Variants in NALF1 observed in about 807,000 individuals in gnomAD.
NALF1 encodes NALCN channel auxiliary factor 1, also known as family with sequence similarity 155 member A.
NALF1 carries 3 observed loss-of-function variants against 48.4 expected under a neutral mutation model. That is an observed-to-expected ratio of 0.06 (90% CI 0.03 to 0.16). The LOEUF is 0.16. Among genes scored for constraint, NALF1 ranks in the 10% least tolerant of loss-of-function variants. NALF1 has a pLI of 1.00. For synonymous variants in NALF1, 262 were observed against 245.7 expected (o/e 1.07, Z -0.62); for missense variants, 526 against 571.5 (o/e 0.92, Z 0.81).
chr13:107,325,117 CAT>C (rs1882326947), intron 1 of NALF1, among the ~76,000 whole-genome samples: 1 of 152,174 alleles, frequency 6.6e-6, no homozygotes, highest in South Asian at 2.1e-4. Flanking sequence ...ACTCAGTTAA[CAT>C]ATGATTTATT....
intron 1 of NALF1, among the ~76,000 whole-genome samples, chr13:107,565,084 ACCTAGCATAAGTAAAAG>A (rs1877762100): frequency 6.9e-6 from 1 of 145,756 alleles, no homozygotes; most frequent in Non-Finnish European, 1.5e-5. Flanking sequence ...AAAAAAAAAA[ACCTAGCATAAGTAAAAG>A]ACAAAAAAAA....
At chr13:107,305,001 T>C (rs957411890) in intron 1 of NALF1, among the ~76,000 whole-genome samples, 3 of 152,226 alleles carry the variant, frequency 2.0e-5, no homozygotes, top group Non-Finnish European at 4.4e-5. Flanking sequence ...TGCATGGTGA[T>C]AATAAGCTAT....
intron 1 of NALF1, among the ~76,000 whole-genome samples, chr13:107,347,191 C>T (rs1882788600): frequency 6.6e-6 from 1 of 152,212 alleles, no homozygotes; most frequent in Non-Finnish European, 1.5e-5. Context: ...TTTTGCCAGA[C>T]TCTTTTCCAA....
chr13:107,796,137 T>C lies in NALF1; in HGVS notation c.915+69545A>G, dbSNP rs371588949. ...GGTAATCTTTGTGTGTGGTGATGTATAGATTAATAATCCCCCTTAAATATA... is the reference window on the plus strand; with the variant it reads ...GGTAATCTTTGTGTGTGGTGATGTACAGATTAATAATCCCCCTTAAATATA... On this transcript the variant is annotated intron_variant, in intron 1 of 2. Coordinates refer to ENST00000375915, the MANE Select transcript of NALF1 (RefSeq NM_001080396.3). Among the ~76,000 whole-genome samples the C allele has an allele frequency of 5.9e-4, 90 of 152,308 alleles. 1 individual carries two copies. The Middle Eastern group carries it at 0.014, about 23-fold the overall frequency.
chr13:107,213,230 C>CAAAAAAAAAAAAAAAAAAAAAAAA (rs386380636), intron 1 of NALF1, among the ~76,000 whole-genome samples: 28 of 103,354 alleles, frequency 2.7e-4, no homozygotes, highest in East Asian at 6.1e-4. Context: ...TTTTTTAACT[C>CAAAAAAAAAAAAAAAAAAAAAAAA]AAAAAAAAAA....
chr13:107,202,029 T>C (rs1386649183), intron 2 of NALF1, among the ~76,000 whole-genome samples: 1 of 152,220 alleles, frequency 6.6e-6, no homozygotes, highest in African/African-American at 2.4e-5. Flanking sequence ...TAGTGTCAGA[T>C]GATAACATAA....
At chr13:107,458,181 T>G (rs1003240222) in intron 1 of NALF1, among the ~76,000 whole-genome samples, 1 of 152,184 alleles carries the variant, frequency 6.6e-6, no homozygotes, top group African/African-American at 2.4e-5. Context: ...GTATATTCTA[T>G]GTCAGAAAAA....
rs1878592522 is a variant in NALF1 at position 107,591,156 on chromosome 13, G to C, written c.915+274526C>G. 1.3e-5 allele frequency among the ~76,000 whole-genome samples: 2 copies of C among 151,928 alleles called. 1 individual carries two copies. The highest frequency in any genetic ancestry group is 2.9e-5 in the Non-Finnish European group (2 of 67,946). ...GAATTCCCATTAAGATAACTCAATAGTTTCGTGATGCCAAGTAATAAAAAG... is the reference window on the plus strand; with the variant it reads ...GAATTCCCATTAAGATAACTCAATACTTTCGTGATGCCAAGTAATAAAAAG... On this transcript the variant is annotated intron_variant, in intron 1 of 2. Transcript: ENST00000375915.
chr13:107,395,411 G>A (rs1883695558), intron 1 of NALF1, among the ~76,000 whole-genome samples: 1 of 152,102 alleles, frequency 6.6e-6, no homozygotes, highest in Non-Finnish European at 1.5e-5. Flanking sequence ...AAGACAAATG[G>A]CAAGCCTCCT....
chr13:107,650,852 T>C (rs1447410975), intron 1 of NALF1, among the ~76,000 whole-genome samples: 2 of 151,936 alleles, frequency 1.3e-5, no homozygotes, highest in East Asian at 3.9e-4. Context: ...ATGCCTCACT[T>C]GTAAGTGGGG....
chr13:107,269,534 G>C (rs1881112027), intron 1 of NALF1, among the ~76,000 whole-genome samples: 1 of 152,150 alleles, frequency 6.6e-6, no homozygotes. Context: ...GAACTTATTT[G>C]TATTTCTGTA....
intron 2 of NALF1, among the ~76,000 whole-genome samples, chr13:107,198,203 A>G (rs1306955566): frequency 1.3e-5 from 2 of 152,140 alleles, no homozygotes; most frequent in Non-Finnish European, 1.5e-5. Context: ...GATTTTTCAG[A>G]GGAAAAATTC....
chr13:107,622,284 G>T (rs933177976), intron 1 of NALF1, among the ~76,000 whole-genome samples: 2 of 151,524 alleles, frequency 1.3e-5, no homozygotes, highest in Non-Finnish European at 2.9e-5. Context: ...CACAAAATTA[G>T]AAAATTAGCC....
chr13:107,568,409 A>C lies in NALF1; in HGVS notation c.915+297273T>G, dbSNP rs574590959. On this transcript the variant is annotated intron_variant, in intron 1 of 2. Transcript: ENST00000375915. ...GCTATCACAAATACAGCTGCTATGA[A>C]CATTCAGGTTTAAGTTCTTGCATAA... Among the ~76,000 whole-genome samples the C allele has an allele frequency of 4.1e-3, 632 of 152,340 alleles. 5 individuals are homozygous for C. The highest frequency in any genetic ancestry group is 0.015 in the African/African-American group (606 of 41,580).
At chr13:107,247,316 C>A (rs1474966977) in intron 1 of NALF1, among the ~76,000 whole-genome samples, 1 of 152,104 alleles carries the variant, frequency 6.6e-6, no homozygotes, top group Non-Finnish European at 1.5e-5. Context: ...TGTCTAGTAT[C>A]CTCTATTAGA....
intron 1 of NALF1, among the ~76,000 whole-genome samples, chr13:107,794,938 C>A (rs1382128100): frequency 6.6e-6 from 1 of 151,980 alleles, no homozygotes; most frequent in Non-Finnish European, 1.5e-5. Context: ...ATAAGAAAAT[C>A]TTTTGATGTA....
At chr13:107,770,588 A>G (rs1380888733) in intron 1 of NALF1, among the ~76,000 whole-genome samples, 2 of 152,216 alleles carry the variant, frequency 1.3e-5, no homozygotes, top group African/African-American at 4.8e-5. Context: ...CAAGTAAGTA[A>G]TATGAACTTT....
chr13:107,410,517 T>C (rs1326359879), intron 1 of NALF1, among the ~76,000 whole-genome samples: 1 of 152,162 alleles, frequency 6.6e-6, no homozygotes. Context: ...GGAACAATTA[T>C]ACAGATACTT....
rs78881594 is a variant in NALF1 at position 107,170,842 on chromosome 13, T to C, written c.1088-56A>G. On this transcript the variant is annotated intron_variant, in intron 2 of 2. Coordinates refer to ENST00000375915, the MANE Select transcript of NALF1 (RefSeq NM_001080396.3). ...GGAAGGAAATACATTTGCGACATAG[T>C]AGAGTGAAGCTGTTGCTTTAACATT... 1.4e-3 allele frequency: 2,167 copies of C among 1,512,452 alleles called. 24 individuals carry two copies. In the African/African-American group the frequency reaches 0.027, roughly 19 times the overall value. 93.7% of individuals were successfully genotyped at this position (1,512,452 alleles called of 1,614,324 possible). A position where few individuals can be genotyped will look rare whatever the true frequency, so the allele number is the denominator to read the frequency against.
Sources: allele counts gnomAD v4.1 joint callset (sites outside exome capture counted in the v4.1 genomes callset), GRCh38; gene constraint gnomAD v4.1.1; transcripts MANE v1.5; gene names NCBI Gene and HGNC (gene_info 2026-07-23, HGNC 2026-07-21).